PGCKA1: variants seen among roughly 807,000 people sequenced by gnomAD.
The protein encoded by PGCKA1 is PDCD10 and GCKIII kinases associated 1, also known as PDCD10 and GCKIII kinases-associated protein 1.
At chr4:37,468,036 C>T in the PGCKA1 span, among the ~76,000 whole-genome samples, 1 of 152,194 alleles carries the variant, frequency 6.6e-6, no homozygotes, top group African/African-American at 2.4e-5. Flanking sequence ...GGGAAATGAA[C>T]TTTGGGTTCA....
the PGCKA1 span, among the ~76,000 whole-genome samples, chr4:37,560,830 G>T: frequency 6.6e-6 from 1 of 152,056 alleles, no homozygotes; most frequent in East Asian, 1.9e-4. Context: ...TTCCCCCATT[G>T]TTTCTACTAT....
At chr4:37,465,515 CT>C in the PGCKA1 span, among the ~76,000 whole-genome samples, 1 of 152,090 alleles carries the variant, frequency 6.6e-6, no homozygotes, top group Admixed American at 6.5e-5. Context: ...GCTGATATGG[CT>C]TGGGGGGATG....
the PGCKA1 span, among the ~76,000 whole-genome samples, chr4:37,487,526 G>A: frequency 6.6e-6 from 1 of 152,040 alleles, no homozygotes; most frequent in Non-Finnish European, 1.5e-5. Flanking sequence ...TACATACAGT[G>A]AAATATACAA....
chr4:37,557,734 C>T, the PGCKA1 span, among the ~76,000 whole-genome samples: 1 of 152,184 alleles, frequency 6.6e-6, no homozygotes, highest in African/African-American at 2.4e-5. Flanking sequence ...GTGTGATCAA[C>T]AGTTTATATG....
the PGCKA1 span, among the ~76,000 whole-genome samples, chr4:37,518,307 G>A: frequency 1.3e-4 from 20 of 152,096 alleles, no homozygotes; most frequent in African/African-American, 4.6e-4. Context: ...TTGCTAGATC[G>A]TATGGTAGCT....
At chr4:37,481,186 A>T in the PGCKA1 span, among the ~76,000 whole-genome samples, 2 of 152,078 alleles carry the variant, frequency 1.3e-5, no homozygotes, top group Admixed American at 6.5e-5. Context: ...ACAATTTCAA[A>T]TTTTTTCACA....
chr4:37,524,245 A>G, the PGCKA1 span, among the ~76,000 whole-genome samples: 2 of 152,370 alleles, frequency 1.3e-5, no homozygotes, highest in East Asian at 1.9e-4. Flanking sequence ...ATTTAAAACA[A>G]TAGTAAATAT....
chr4:37,587,367 G>C, the PGCKA1 span, among the ~76,000 whole-genome samples: 1 of 152,106 alleles, frequency 6.6e-6, no homozygotes, highest in African/African-American at 2.4e-5. Context: ...TTAGGATGTG[G>C]ATATCTTTGG....
At chr4:37,535,521 G>T in the PGCKA1 span, among the ~76,000 whole-genome samples, 1 of 152,168 alleles carries the variant, frequency 6.6e-6, no homozygotes, top group African/African-American at 2.4e-5. Flanking sequence ...TGGGAAAGGG[G>T]TTTAAGTAGA....
At chr4:37,567,067 A>G in the PGCKA1 span, among the ~76,000 whole-genome samples, 1 of 149,142 alleles carries the variant, frequency 6.7e-6, no homozygotes, top group Admixed American at 6.7e-5. Context: ...CGGACAAAAA[A>G]AAATAAAATA....
chr4:37,584,610 G>A, the PGCKA1 span, among the ~76,000 whole-genome samples: 1 of 152,168 alleles, frequency 6.6e-6, no homozygotes, highest in Admixed American at 6.5e-5. Flanking sequence ...AGCAGGGAAG[G>A]GGCAGTTTTC....
the PGCKA1 span, among the ~76,000 whole-genome samples, chr4:37,514,066 A>G: frequency 1.3e-5 from 2 of 152,204 alleles, no homozygotes; most frequent in African/African-American, 4.8e-5. Flanking sequence ...CAAAACTTAT[A>G]TTGAATTCTT....
chr4:37,533,353 G>A, the PGCKA1 span, among the ~76,000 whole-genome samples: 5 of 152,086 alleles, frequency 3.3e-5, no homozygotes, highest in African/African-American at 1.2e-4. Flanking sequence ...ATCAGTTTCT[G>A]GTGTTCTTTT....
the PGCKA1 span, among the ~76,000 whole-genome samples, chr4:37,496,563 A>G: frequency 2.0e-5 from 3 of 152,078 alleles, no homozygotes; most frequent in African/African-American, 2.4e-5. Flanking sequence ...TTCTTTTTGC[A>G]TAGGATTGCC....
the PGCKA1 span, among the ~76,000 whole-genome samples, chr4:37,562,266 TAATG>T: frequency 3.9e-5 from 6 of 152,290 alleles, no homozygotes; most frequent in East Asian, 1.2e-3. Flanking sequence ...AATCCACAAA[TAATG>T]AGAACCAAGT....
the PGCKA1 span, chr4:37,590,798 C>G: frequency 6.2e-7 from 1 of 1,614,096 alleles, no homozygotes; most frequent in Non-Finnish European, 8.5e-7. Context: ...GATGTGGAAA[C>G]AGAAGTTCTA....
the PGCKA1 span, among the ~76,000 whole-genome samples, chr4:37,538,992 G>A: frequency 3.3e-5 from 5 of 152,240 alleles, no homozygotes; most frequent in African/African-American, 7.2e-5. Context: ...GATGCATGTC[G>A]CAATGATAAT....
chr4:37,530,573 CAAAAAAAAAAAAAAAA>C, the PGCKA1 span, among the ~76,000 whole-genome samples: 1 of 71,380 alleles, frequency 1.4e-5, no homozygotes, highest in African/African-American at 6.0e-5. Context: ...AACTATGTCT[CAAAAAAAAAAAAAAAA>C]AAAAAAAAAT....
chr4:37,496,140 A>G, the PGCKA1 span, among the ~76,000 whole-genome samples: 1 of 152,216 alleles, frequency 6.6e-6, no homozygotes, highest in South Asian at 2.1e-4. Context: ...TCATTTGTCA[A>G]CCTTTGCTTT....
Sources: allele counts gnomAD v4.1 joint callset (sites outside exome capture counted in the v4.1 genomes callset), GRCh38; gene constraint gnomAD v4.1.1; transcripts MANE v1.5; gene names NCBI Gene and HGNC (gene_info 2026-07-23, HGNC 2026-07-21).